The following HRH2 variants were observed in gnomAD, a reference collection of about 807,000 sequenced individuals.
The protein encoded by HRH2 is histamine H2 receptor.
A neutral mutation model predicts 20.1 loss-of-function variants in HRH2; 4 were observed. That is an observed-to-expected ratio of 0.20 (90% CI 0.10 to 0.45). The LOEUF is 0.45. Among genes scored for constraint, HRH2 ranks in the 20% least tolerant of loss-of-function variants. The probability of loss-of-function intolerance (pLI) is 0.99; values close to 1 mark genes in which losing one functional copy is unlikely to be tolerated. For synonymous variants in HRH2, 197 were observed against 200.7 expected (o/e 0.98, Z 0.16); for missense variants, 250 against 461.6 (o/e 0.54, Z 4.20).
chr5:175,676,081 A>T (rs1755748592), intron 1 of HRH2, among the ~76,000 whole-genome samples: 1 of 152,148 alleles, frequency 6.6e-6, no homozygotes, highest in Admixed American at 6.5e-5. Flanking sequence ...AGCCCAGACA[A>T]TCTAAGTCTT....
intron 1 of HRH2, 123 bp downstream of exon 1, chr5:175,658,278 G>T (rs1486174105): frequency 6.6e-6 from 1 of 152,110 alleles, no homozygotes; most frequent in Non-Finnish European, 1.5e-5. Flanking sequence ...GGCGGCCGTC[G>T]TGGCCCCGAA....
Position 175,683,091 on chromosome 5 carries a change from CAAAAAAAAAAAA to C in HRH2, c.-133_-122del, listed in dbSNP as rs35616765. On this transcript the variant is annotated 5_prime_UTR_variant, in exon 2 of 3. Coordinates refer to ENST00000636584, the MANE Select transcript of HRH2 (RefSeq NM_001367711.1). ...ATTGAAGCCTTCCCCACCCCCTGGCCAAAAAAAAAAAAAAAAAAAAACTGGACACATTTTGGA... is the reference window on the plus strand; with the variant it reads ...ATTGAAGCCTTCCCCACCCCCTGGCCAAAAAAAAACTGGACACATTTTGGA... 6 of 583,878 alleles carry C rather than the reference CAAAAAAAAAAAA, an allele frequency of 1.0e-5. No homozygotes were observed. The highest frequency in any genetic ancestry group is 1.5e-5 in the Non-Finnish European group (6 of 387,164). The allele number at this position is 583,878 out of a possible 1,614,324, so 36.2% of individuals were successfully genotyped here. A position where few individuals can be genotyped will look rare whatever the true frequency, so the allele number is the denominator to read the frequency against.
Position 175,687,305 on chromosome 5 carries a change from G to T in HRH2, c.1076+2996G>T, listed in dbSNP as rs888957949. On this transcript the variant is annotated intron_variant, in intron 2 of 2. Coordinates refer to ENST00000636584, the MANE Select transcript of HRH2 (RefSeq NM_001367711.1). The surrounding 1 kb of genome is among the most constrained non-coding windows in gnomAD (Gnocchi z 5.2). ...TCGGCTGCCAGTTTCCCTGCTGGCT[G>T]ATAGCATGTCCTCCAGCTCTCCGTC... 6.6e-6 allele frequency among the ~76,000 whole-genome samples: 1 copy of T among 152,166 alleles called. No individual in the cohort carries two copies. Among genetic ancestry groups the T allele is most frequent in the Non-Finnish European group, 1.5e-5 (1 of 68,022 alleles).
At chr5:175,699,238 G>A (rs552438171) in intron 2 of HRH2, among the ~76,000 whole-genome samples, 5 of 152,204 alleles carry the variant, frequency 3.3e-5, no homozygotes, top group Non-Finnish European at 5.9e-5. Flanking sequence ...TGGTCTCCAG[G>A]TGACTTTCTG....
At chr5:175,664,690 A>G (rs555847742) in intron 1 of HRH2, among the ~76,000 whole-genome samples, 2 of 152,096 alleles carry the variant, frequency 1.3e-5, no homozygotes, top group African/African-American at 4.8e-5. Context: ...ACCGGAGTGC[A>G]GTGGCGAATT....
intron 1 of HRH2, among the ~76,000 whole-genome samples, chr5:175,662,639 C>CT (rs1435847493): frequency 6.6e-6 from 1 of 152,096 alleles, no homozygotes; most frequent in Non-Finnish European, 1.5e-5. Context: ...AGGTGGTCTT[C>CT]TTTTTTAACG....
At chr5:175,676,962 C>G (rs927945302) in intron 1 of HRH2, among the ~76,000 whole-genome samples, 1 of 152,032 alleles carries the variant, frequency 6.6e-6, no homozygotes, top group Admixed American at 6.6e-5. Context: ...GTCTGTATAC[C>G]ACTGTTTCTG....
intron 2 of HRH2, among the ~76,000 whole-genome samples, chr5:175,698,573 C>T (rs1339333062): frequency 1.3e-5 from 2 of 152,208 alleles, no homozygotes; most frequent in East Asian, 1.9e-4. Flanking sequence ...TCTTGCCAGT[C>T]GCTTATTCAT....
chr5:175,675,546 T>G (rs1250902087), intron 1 of HRH2, among the ~76,000 whole-genome samples: 2 of 152,132 alleles, frequency 1.3e-5, no homozygotes, highest in Non-Finnish European at 2.9e-5. Context: ...CTGCAAAACC[T>G]GTGCAATGAT....
intron 1 of HRH2, among the ~76,000 whole-genome samples, chr5:175,662,328 C>T (rs1489683300): frequency 6.6e-6 from 1 of 152,194 alleles, no homozygotes; most frequent in African/African-American, 2.4e-5. Context: ...TTGATTTTCA[C>T]AACTTGGGGA....
At chr5:175,705,477 G>A (rs1271930436) in intron 2 of HRH2, among the ~76,000 whole-genome samples, 1 of 152,114 alleles carries the variant, frequency 6.6e-6, no homozygotes, top group Admixed American at 6.5e-5. Flanking sequence ...TTCATACAAT[G>A]AAATACCTTT....
chr5:175,699,735 G>A lies in HRH2; in HGVS notation c.1077-8044G>A, dbSNP rs112009929. The stretch of plus-strand genomic sequence containing the variant: ...ACTACAGGCGCCCACCACCACGCCC[G>A]GCTAATTTTTTGTATGTTTAGTAGA... On this transcript the variant is annotated intron_variant, in intron 2 of 2. Transcript: ENST00000636584. Among the ~76,000 whole-genome samples, 1,087 of 152,088 alleles carry A rather than the reference G, an allele frequency of 7.1e-3. 15 individuals carry two copies. Among genetic ancestry groups the A allele is most frequent in the African/African-American group, 0.025 (1,024 of 41,468 alleles).
chr5:175,667,857 G>A (rs770650309), intron 1 of HRH2, among the ~76,000 whole-genome samples: 52 of 152,280 alleles, frequency 3.4e-4, no homozygotes, highest in Middle Eastern at 3.4e-3. Flanking sequence ...TAATTGGGCA[G>A]AGTGAGCATC....
At chr5:175,696,631 C>G (rs1394282656) in intron 2 of HRH2, among the ~76,000 whole-genome samples, 1 of 152,200 alleles carries the variant, frequency 6.6e-6, no homozygotes, top group Non-Finnish European at 1.5e-5. Context: ...AATCCTAGGT[C>G]AGCAGCAGGA....
intron 2 of HRH2, among the ~76,000 whole-genome samples, chr5:175,692,825 C>A (rs1402244156): frequency 1.3e-5 from 2 of 152,298 alleles, no homozygotes; most frequent in Admixed American, 6.5e-5. Flanking sequence ...GCCAACCCCC[C>A]AACTGTGTTG....
At chr5:175,705,836 T>C (rs1026043588) in intron 2 of HRH2, among the ~76,000 whole-genome samples, 1 of 152,092 alleles carries the variant, frequency 6.6e-6, no homozygotes, top group African/African-American at 2.4e-5. Flanking sequence ...CTAATTTTTG[T>C]ATTTTTTTTG....
intron 2 of HRH2, 181 bp downstream of exon 2, chr5:175,684,490 C>G (rs1756098785): frequency 2.5e-6 from 1 of 396,592 alleles, no homozygotes; most frequent in Admixed American, 6.4e-5. Context: ...TAGAACTTAG[C>G]TCCCTTTTAA....
chr5:175,680,276 C>T (rs1240391442), intron 1 of HRH2, among the ~76,000 whole-genome samples: 1 of 152,220 alleles, frequency 6.6e-6, no homozygotes, highest in Admixed American at 6.5e-5. Context: ...CCATCCAGTA[C>T]ATATTGGGAA....
At chr5:175,672,511 G>A (rs1177533572) in intron 1 of HRH2, among the ~76,000 whole-genome samples, 1 of 152,200 alleles carries the variant, frequency 6.6e-6, no homozygotes, top group Non-Finnish European at 1.5e-5. Flanking sequence ...ACATAATAGG[G>A]TTGTTGAAGA....
Sources: gnomAD v4.1 joint callset for allele counts (sites outside exome capture counted in the v4.1 genomes callset) on GRCh38, gnomAD v4.1.1 for gene constraint, Gnocchi (gnomAD v3.1) non-coding constraint, MANE v1.5 for transcripts, NCBI Gene and HGNC (gene_info 2026-07-23, HGNC 2026-07-21) for gene names.